The following TPH2 variants were observed in gnomAD, a reference collection of about 807,000 sequenced individuals.
The protein encoded by TPH2 is tryptophan 5-hydroxylase 2.
A neutral mutation model predicts 59.1 loss-of-function variants in TPH2; 27 were observed. The ratio of observed to expected loss-of-function variants is 0.46; its 90% CI spans 0.34 to 0.63. The LOEUF (loss-of-function observed/expected upper bound fraction) is 0.63. TPH2 is among the 30% of genes least tolerant of loss of function. The probability of loss-of-function intolerance (pLI) is 0.01; values close to 1 mark genes in which losing one functional copy is unlikely to be tolerated. For synonymous variants in TPH2, 220 were observed against 210.5 expected (o/e 1.05, Z -0.39); for missense variants, 523 against 588.3 (o/e 0.89, Z 1.15).
intron 7 of TPH2, among the ~76,000 whole-genome samples, chr12:71,983,569 T>C (rs1872347494): frequency 6.6e-6 from 1 of 152,154 alleles, no homozygotes; most frequent in Admixed American, 6.5e-5. Context: ...TTTTTGTCTC[T>C]CTGGGAAGTC....
At chr12:71,973,301 C>T (rs1592393495) in intron 6 of TPH2, among the ~76,000 whole-genome samples, 1 of 152,146 alleles carries the variant, frequency 6.6e-6, no homozygotes, top group South Asian at 2.1e-4. Context: ...AAAGACCTTG[C>T]TGATAAAACA....
At chr12:71,952,361 G>C (rs1308959734) in intron 5 of TPH2, among the ~76,000 whole-genome samples, 1 of 152,166 alleles carries the variant, frequency 6.6e-6, no homozygotes, top group Non-Finnish European at 1.5e-5. Flanking sequence ...TCCCAGTTTG[G>C]AGGGCTGGGA....
At chr12:71,994,758 T>C (rs946298020) in intron 8 of TPH2, among the ~76,000 whole-genome samples, 193 bp downstream of exon 8, 1 of 152,226 alleles carries the variant, frequency 6.6e-6, no homozygotes, top group Non-Finnish European at 1.5e-5. Context: ...ATTTGTATTT[T>C]ATCATTCTTG....
At chr12:71,985,875 C>A (rs1476512784) in intron 7 of TPH2, among the ~76,000 whole-genome samples, 1 of 152,104 alleles carries the variant, frequency 6.6e-6, no homozygotes, top group Non-Finnish European at 1.5e-5. Context: ...AGTTGGTCTG[C>A]CCCATTTATC....
chr12:72,029,763 C>T (rs1873671227), intron 9 of TPH2, among the ~76,000 whole-genome samples: 1 of 152,140 alleles, frequency 6.6e-6, no homozygotes. Context: ...TGCAGGAAAG[C>T]AAATCACATG....
chr12:72,021,657 G>A (rs930642975), intron 8 of TPH2, among the ~76,000 whole-genome samples: 5 of 152,090 alleles, frequency 3.3e-5, no homozygotes, highest in Admixed American at 3.3e-4. Context: ...CAGGTTAGAT[G>A]TATTAAACAC....
intron 5 of TPH2, chr12:71,961,969 G>GC (rs947534144): frequency 5.8e-6 from 6 of 1,040,806 alleles, no homozygotes; most frequent in Non-Finnish European, 7.0e-6. Context: ...GTTCCTTAAG[G>GC]CCCGTAGACT....
chr12:71,996,162 A>G (rs1425060394), intron 8 of TPH2, among the ~76,000 whole-genome samples: 5 of 152,186 alleles, frequency 3.3e-5, no homozygotes, highest in African/African-American at 1.2e-4. Context: ...AAAATGGCTC[A>G]CTCATGTGGC....
intron 5 of TPH2, among the ~76,000 whole-genome samples, chr12:71,955,617 G>C (rs1338657608): frequency 1.3e-5 from 2 of 152,162 alleles, no homozygotes; most frequent in Non-Finnish European, 2.9e-5. Flanking sequence ...TGTAAAATGA[G>C]GATAACTCTA....
chr12:72,002,505 C>T (rs1025711306), intron 8 of TPH2, among the ~76,000 whole-genome samples: 1 of 152,138 alleles, frequency 6.6e-6, no homozygotes, highest in Non-Finnish European at 1.5e-5. Flanking sequence ...AAGGTTAGAA[C>T]GCTAAACATT....
intron 7 of TPH2, among the ~76,000 whole-genome samples, chr12:71,993,383 G>T (rs1872623324): frequency 6.6e-6 from 1 of 152,120 alleles, no homozygotes; most frequent in Non-Finnish European, 1.5e-5. Flanking sequence ...TAGGTAATTG[G>T]TGTTTTTTTC....
At position 71,944,328 on chromosome 12, in the gene TPH2, G is replaced by T; in HGVS notation, c.290G>T (p.Arg97Met). 6.2e-7 allele frequency: 1 copy of T among 1,613,818 alleles called. No individual in the cohort carries two copies. The highest frequency in any genetic ancestry group is 8.5e-7 in the Non-Finnish European group (1 of 1,179,810). The change falls in exon 3 of 11, where the codon AGG becomes ATG. Residue 97 changes from arginine to methionine, a missense_variant. Transcript: ENST00000333850. ...GTCAACATGGTTCATATTGAATCCAGGAAATCTCGGCGAAGAAGTTCTGAG... is the reference window on the plus strand; with the variant it reads ...GTCAACATGGTTCATATTGAATCCATGAAATCTCGGCGAAGAAGTTCTGAG... ...KRVNMVHIESRKSRRRSSEVE... is the reference protein window; with the variant it reads ...KRVNMVHIESMKSRRRSSEVE...
Position 71,944,365 on chromosome 12 carries a change from T to G in TPH2, c.327T>G (p.Phe109Leu), listed in dbSNP as rs758176787. ...SRRRSSEVEI[F>L]VDCECGKTEF... is the part of the protein sequence containing the mutation. ...GAAGAAGTTCTGAGGTTGAAATCTT[T>G]GTGGACTGTGAGTGTGGGAAAACAG... Residue 109 changes from phenylalanine (F) to leucine (L), a missense_variant, in exon 3 of 11, where the codon TTT becomes TTG. Phe to Leu is a conservative substitution (Grantham distance 22). Transcript: ENST00000333850. 9 of 1,613,838 alleles carry G rather than the reference T, an allele frequency of 5.6e-6. No homozygotes were observed. Among genetic ancestry groups the G allele is most frequent in the Non-Finnish European group, 5.1e-6 (6 of 1,179,880 alleles).
At position 71,939,053 on chromosome 12, in the gene TPH2, G is replaced by T. The variant is rs774359253; in HGVS notation, c.67G>T (p.Ala23Ser). Residue 23 changes from alanine (A) to serine (S), a missense_variant, in exon 1 of 11, where the codon GCA becomes TCA. Physicochemically the swap from Ala to Ser is moderately conservative, Grantham distance 99 (BLOSUM62 1). Coordinates refer to ENST00000333850, the MANE Select transcript of TPH2 (RefSeq NM_173353.4). ...ACGGAGAGGGTTTTCCCTGGATTCA[G>T]CAGTGCCCGAAGAGCATCAGCTACT... is the stretch of plus-strand genomic sequence containing the variant. ...WARRGFSLDS[A>S]VPEEHQLLGS... 1.2e-6 allele frequency: 2 copies of T among 1,614,144 alleles called. No homozygotes were observed. Among genetic ancestry groups the T allele is most frequent in the East Asian group, 4.5e-5 (2 of 44,886 alleles).
At chr12:71,975,529 A>C (rs1872094403) in intron 6 of TPH2, among the ~76,000 whole-genome samples, 1 of 152,154 alleles carries the variant, frequency 6.6e-6, no homozygotes, top group Non-Finnish European at 1.5e-5. Flanking sequence ...TCCTGCTGCA[A>C]CTGCCCTGTA....
At chr12:71,953,694 A>ATGTT (rs1871415394) in intron 5 of TPH2, among the ~76,000 whole-genome samples, 1 of 152,182 alleles carries the variant, frequency 6.6e-6, no homozygotes, top group Admixed American at 6.5e-5. Flanking sequence ...TGTCCAAGGG[A>ATGTT]TAGATCATTT....
intron 8 of TPH2, among the ~76,000 whole-genome samples, chr12:71,997,772 A>G (rs1411038407): frequency 2.0e-5 from 3 of 151,510 alleles, no homozygotes; most frequent in Non-Finnish European, 2.9e-5. Flanking sequence ...GGGGAAAAAA[A>G]GAGGTGGTAG....
At chr12:71,998,752 C>T (rs1011966918) in intron 8 of TPH2, among the ~76,000 whole-genome samples, 2 of 152,098 alleles carry the variant, frequency 1.3e-5, no homozygotes, top group African/African-American at 4.8e-5. Context: ...TAGCTGATTT[C>T]CTCAAAGTTG....
chr12:71,941,713 A>G lies in TPH2; in HGVS notation c.235A>G (p.Lys79Glu), dbSNP rs1871074464. ...SLKNEVGGLV[K>E]ALRLFQEKRV... ...GAAGAATGAAGTTGGTGGATTGGTA[A>G]AAGCACTGAGGCTCTTTCAGGTGAA... Residue 79 changes from lysine (K) to glutamate (E), a missense_variant, in exon 2 of 11, where the codon AAA (lysine) becomes GAA (glutamate). Transcript: ENST00000333850. The G allele has an allele frequency of 6.2e-7, 1 of 1,614,072 alleles. No individual in the cohort carries two copies. Among genetic ancestry groups the G allele is most frequent in the African/African-American group, 1.3e-5 (1 of 75,052 alleles).
Sources: gnomAD v4.1 joint callset for allele counts (sites outside exome capture counted in the v4.1 genomes callset) on GRCh38, gnomAD v4.1.1 for gene constraint, MANE v1.5 for transcripts, NCBI Gene and HGNC (gene_info 2026-07-23, HGNC 2026-07-21) for gene names.